Variants in ZNF536 observed in about 807,000 individuals in gnomAD.
ZNF536 encodes zinc finger protein 536.
ZNF536 carries 13 observed loss-of-function variants against 84.5 expected under a neutral mutation model. That is an observed-to-expected ratio of 0.15 (90% CI 0.10 to 0.24). ZNF536 has a LOEUF of 0.24. ZNF536 is among the 10% of genes least tolerant of loss of function. ZNF536 has a pLI of 1.00. For missense variants in ZNF536, 1,536 were observed against 1,747.5 expected, an observed-to-expected ratio of 0.88 and a Z score of 2.16; for synonymous variants, 811 against 742.5, an observed-to-expected ratio of 1.09 and a Z score of -1.50.
intron 2 of ZNF536, among the ~76,000 whole-genome samples, chr19:30,497,289 T>C (rs982608040): frequency 2.0e-5 from 3 of 152,142 alleles, no homozygotes; most frequent in Non-Finnish European, 2.9e-5. Flanking sequence ...TCTAGTGCAT[T>C]TACATTTTAT....
intron 1 of ZNF536, among the ~76,000 whole-genome samples, chr19:30,631,549 G>A (rs574026035): frequency 2.0e-5 from 3 of 152,318 alleles, no homozygotes; most frequent in East Asian, 1.9e-4. Context: ...GGATCCTGCC[G>A]TAAAGGAGAA....
intron 1 of ZNF536, among the ~76,000 whole-genome samples, chr19:30,431,801 CTGAGGCTGG>C (rs1310743856): frequency 6.6e-6 from 1 of 152,088 alleles, no homozygotes; most frequent in Non-Finnish European, 1.5e-5. Context: ...GGGCTGTGCG[CTGAGGCTGG>C]TGCCAGGAGC....
intron 1 of ZNF536, among the ~76,000 whole-genome samples, chr19:30,703,165 C>T (rs971225353): frequency 3.9e-5 from 6 of 152,254 alleles, no homozygotes; most frequent in Middle Eastern, 3.4e-3. Context: ...ATCGAGGAGA[C>T]GATCAGGGAG....
intron 1 of ZNF536, among the ~76,000 whole-genome samples, chr19:30,704,938 T>C (rs2052163526): frequency 6.6e-6 from 1 of 151,868 alleles, no homozygotes; most frequent in Non-Finnish European, 1.5e-5. Context: ...TTTTTTTTTT[T>C]TCTGGAGCAC....
chr19:30,697,218 A>G (rs1181690965), intron 1 of ZNF536, among the ~76,000 whole-genome samples: 3 of 152,102 alleles, frequency 2.0e-5, no homozygotes, highest in Admixed American at 2.0e-4. Flanking sequence ...CATGGGGGAA[A>G]TGGTCCCCAT....
intron 1 of ZNF536, among the ~76,000 whole-genome samples, chr19:30,606,317 A>AAAAT (rs2047890116): frequency 6.7e-6 from 1 of 148,728 alleles, no homozygotes; most frequent in Non-Finnish European, 1.5e-5. Context: ...AAATAAAATA[A>AAAAT]AAATAAAAGT....
At chr19:30,524,417 G>A (rs1373672135) in intron 2 of ZNF536, among the ~76,000 whole-genome samples, 1 of 152,202 alleles carries the variant, frequency 6.6e-6, no homozygotes, top group African/African-American at 2.4e-5. Context: ...ACACAGGCCA[G>A]CGTTCATCAG....
At chr19:30,349,492 G>A (rs2047861312) in intron 2 of ZNF536, among the ~76,000 whole-genome samples, 1 of 152,158 alleles carries the variant, frequency 6.6e-6, no homozygotes, top group Non-Finnish European at 1.5e-5. Flanking sequence ...AAGCTCAGGT[G>A]TCCTGTTTCA....
At chr19:30,692,413 T>A (rs1169291003) in intron 1 of ZNF536, among the ~76,000 whole-genome samples, 3 of 152,244 alleles carry the variant, frequency 2.0e-5, no homozygotes, top group Non-Finnish European at 2.9e-5. Context: ...ATGGTCGCTC[T>A]GGCATCAGAT....
intron 1 of ZNF536, among the ~76,000 whole-genome samples, chr19:30,700,201 C>CTTCTTTCTTTCCTTCTTTCTTTCT (rs2051856420): frequency 1.2e-5 from 1 of 82,710 alleles, no homozygotes; most frequent in African/African-American, 4.2e-5. Context: ...TCTTTCTTTC[C>CTTCTTTCTTTCCTTCTTTCTTTCT]TTCTTTCTTT....
At chr19:30,533,917 A>C (rs759842001) in intron 2 of ZNF536, among the ~76,000 whole-genome samples, 2 of 152,222 alleles carry the variant, frequency 1.3e-5, no homozygotes, top group African/African-American at 4.8e-5. Flanking sequence ...CGATTCCCCA[A>C]TTGTGACCTC....
In ZNF536 at chr19:30,609,772, A is replaced by AT. The variant is rs2048024912; in HGVS notation, c.169+60258_169+60259insT. ...CATCCACCTATCCATCCACCCATCT[A>AT]CCCATCCATCCATCCATCCATCCAT... On this transcript the variant is annotated intron_variant, in intron 1 of 1. Transcript: ENST00000592773. Among the ~76,000 whole-genome samples the AT allele has an allele frequency of 5.3e-5, 5 of 94,310 alleles. No individual in the cohort carries two copies. The Admixed American group carries it at 6.8e-4, about 13-fold the overall frequency. The allele number at this position is 94,310 out of a possible 152,430, so 61.9% of individuals were successfully genotyped here.
intron 1 of ZNF536, among the ~76,000 whole-genome samples, chr19:30,272,045 C>T (rs572750319): frequency 6.6e-5 from 10 of 152,258 alleles, no homozygotes; most frequent in Admixed American, 3.3e-4. Flanking sequence ...ATCAGCTCAT[C>T]GGAGAAGTGG....
At chr19:30,439,047 T>C (rs1449180349) in intron 1 of ZNF536, among the ~76,000 whole-genome samples, 1 of 152,170 alleles carries the variant, frequency 6.6e-6, no homozygotes, top group Non-Finnish European at 1.5e-5. Flanking sequence ...GATTCAATCC[T>C]TTAACAGTAG....
At chr19:30,534,659 G>T (rs1452091322) in intron 2 of ZNF536, among the ~76,000 whole-genome samples, 188 bp from the exon 3 acceptor site, 1 of 152,182 alleles carries the variant, frequency 6.6e-6, no homozygotes, top group African/African-American at 2.4e-5. Context: ...AATGGTGATA[G>T]GAAAGATGAA....
rs191286577 is a variant in ZNF536 at position 30,265,179 on chromosome 19, G to A, written c.-189-18893G>A. Among the ~76,000 whole-genome samples, 570 of 152,082 alleles carry A rather than the reference G, an allele frequency of 3.7e-3. 5 individuals are homozygous for A. Among genetic ancestry groups the A allele is most frequent in the African/African-American group, 0.012 (518 of 41,442 alleles). Reference sequence around the variant, plus strand: ...GACTTTATGTCCCTAGAAGACAGGGGAACAGCAGCTCCAGCCCCAGTCGTG... The same window carrying A: ...GACTTTATGTCCCTAGAAGACAGGGAAACAGCAGCTCCAGCCCCAGTCGTG... On this transcript the variant is annotated intron_variant, in intron 1 of 5. Coordinates refer to the ZNF536 transcript ENST00000585628.
chr19:30,440,341 G>A (rs564855971), intron 1 of ZNF536, among the ~76,000 whole-genome samples: 30 of 152,120 alleles, frequency 2.0e-4, no homozygotes, highest in Middle Eastern at 6.8e-3. Flanking sequence ...TGTCCGATTC[G>A]GATCGTAGGT....
In ZNF536 at chr19:30,522,252, G is replaced by GATATATATATATATATATATATACACAT; in HGVS notation, c.2171-12586_2171-12585insTATATATATATATACACATATATATATA. On this transcript the variant is annotated intron_variant, in intron 2 of 4. Transcript: ENST00000355537. ...TGCCTGTGCCTGATTGGCAGAGCTG[G>GATATATATATATATATATATATACACAT]ATATATATACATATATATATACATA... Among the ~76,000 whole-genome samples, 15 of 44,412 alleles carry GATATATATATATATATATATATACACAT rather than the reference G, an allele frequency of 3.4e-4. 2 individuals are homozygous for GATATATATATATATATATATATACACAT. The highest frequency in any genetic ancestry group is 2.0e-3 in the African/African-American group (15 of 7,412). The allele number at this position is 44,412 out of a possible 152,430, so 29.1% of individuals were successfully genotyped here. A position where few individuals can be genotyped will look rare whatever the true frequency, so the allele number is the denominator to read the frequency against.
chr19:30,406,331 G>C (rs2050260281), intron 1 of ZNF536, among the ~76,000 whole-genome samples: 1 of 152,102 alleles, frequency 6.6e-6, no homozygotes, highest in Non-Finnish European at 1.5e-5. Context: ...TTAAGGACTA[G>C]GAAAGGATCA....
Sources: allele counts gnomAD v4.1 joint callset (sites outside exome capture counted in the v4.1 genomes callset), GRCh38; gene constraint gnomAD v4.1.1; transcripts MANE v1.5; gene names NCBI Gene and HGNC (gene_info 2026-07-23, HGNC 2026-07-21).